Variants in CDH2 observed in about 807,000 individuals in gnomAD.
CDH2 encodes the protein cadherin-2.
In CDH2, 17 loss-of-function variants were observed where a neutral mutation model predicts 92.0. The observed-to-expected ratio is 0.18, with a 90% CI of 0.13 to 0.28. The LOEUF (loss-of-function observed/expected upper bound fraction) is 0.28. CDH2 is among the 10% of genes least tolerant of loss of function. The pLI is 1.00. For synonymous variants in CDH2, 419 were observed against 415.9 expected, an observed-to-expected ratio of 1.01 and a Z score of -0.09; for missense variants, 862 against 1,133.1, an observed-to-expected ratio of 0.76 and a Z score of 3.44.
chr18:28,065,348 T>C (rs750740126), intron 2 of CDH2, among the ~76,000 whole-genome samples: 9 of 152,108 alleles, frequency 5.9e-5, no homozygotes, highest in Non-Finnish European at 1.2e-4. Flanking sequence ...ATACAAGTGG[T>C]AGGGTGATGG....
chr18:27,985,063 CA>C lies in CDH2; in HGVS notation c.2145del (p.Ile715MetfsTer26). The C allele has an allele frequency of 6.2e-7, 1 of 1,614,198 alleles. No individual in the cohort carries two copies. The highest frequency in any genetic ancestry group is 1.1e-5 in the South Asian group (1 of 91,084). ...GCACCGGTGCCAAGCCCCGCACCCA[CA>C]ATCCTGTCCACATCTGTGCAGTCCC... ...SNGDCTDVDRIVGAGLGTGAI... is the reference protein window; with the variant it reads ...SNGDCTDVDRXVGAGLGTGAI... On this transcript the variant is annotated frameshift_variant, in exon 13 of 16. Coordinates refer to ENST00000269141, the MANE Select transcript of CDH2 (RefSeq NM_001792.5). LOFTEE classifies it high-confidence loss of function.
chr18:28,128,858 G>A (rs1025037524), intron 2 of CDH2, among the ~76,000 whole-genome samples: 3 of 152,120 alleles, frequency 2.0e-5, no homozygotes, highest in East Asian at 1.9e-4. Flanking sequence ...GGATGCACTC[G>A]GCCACACAGG....
At chr18:28,044,293 A>C (rs888574662) in intron 2 of CDH2, among the ~76,000 whole-genome samples, 1 of 152,176 alleles carries the variant, frequency 6.6e-6, no homozygotes, top group African/African-American at 2.4e-5. Context: ...TGTACCCTGG[A>C]GGTGGAATTC....
intron 1 of CDH2, among the ~76,000 whole-genome samples, chr18:28,170,327 G>A (rs760061942): frequency 1.3e-5 from 2 of 152,066 alleles, no homozygotes; most frequent in Non-Finnish European, 2.9e-5. Context: ...CATTTATTTT[G>A]GTTGTCCTTC....
chr18:28,089,841 A>G (rs897571790), intron 2 of CDH2, among the ~76,000 whole-genome samples: 3 of 152,214 alleles, frequency 2.0e-5, no homozygotes, highest in Non-Finnish European at 4.4e-5. Context: ...GAACAGTGCC[A>G]GGAATACAGA....
Position 28,177,127 on chromosome 18 carries a change from C to T in CDH2, c.-105G>A, listed in dbSNP as rs371515871. ...CAGCACCAACAGCGGCGCGGAGAAA[C>T]GGCTCCAGGCAGTTTCCACCCCCTT... On this transcript the variant is annotated 5_prime_UTR_variant, in exon 1 of 16. Coordinates refer to ENST00000269141, the MANE Select transcript of CDH2 (RefSeq NM_001792.5). 6.5e-6 allele frequency: 5 copies of T among 767,858 alleles called. No individual in the cohort carries two copies. Among genetic ancestry groups the T allele is most frequent in the Admixed American group, 2.6e-5 (1 of 38,096 alleles). The allele number at this position is 767,858 out of a possible 1,614,324, so 47.6% of individuals were successfully genotyped here. A position where few individuals can be genotyped will look rare whatever the true frequency, so the allele number is the denominator to read the frequency against.
intron 2 of CDH2, among the ~76,000 whole-genome samples, chr18:28,100,932 T>C (rs2015216368): frequency 6.6e-6 from 1 of 152,086 alleles, no homozygotes; most frequent in Admixed American, 6.6e-5. Flanking sequence ...GCTAATACCA[T>C]AAAAAAGAGT....
chr18:28,023,360 G>T (rs562860740), intron 2 of CDH2, among the ~76,000 whole-genome samples: 2 of 152,160 alleles, frequency 1.3e-5, no homozygotes, highest in East Asian at 3.9e-4. Context: ...GTCTTGCTTT[G>T]TCACCCAGGC....
chr18:27,990,809 A>C (rs1177595089), intron 9 of CDH2, among the ~76,000 whole-genome samples: 1 of 152,188 alleles, frequency 6.6e-6, no homozygotes, highest in Non-Finnish European at 1.5e-5. Context: ...AAATCAGAAA[A>C]TGTAATTTTT....
chr18:28,151,656 A>G (rs1289404363), intron 1 of CDH2, among the ~76,000 whole-genome samples: 3 of 152,184 alleles, frequency 2.0e-5, no homozygotes, highest in Non-Finnish European at 4.4e-5. Flanking sequence ...ACATAAAGTC[A>G]TCACTCTGCC....
chr18:28,037,503 A>T (rs562735629), intron 2 of CDH2, among the ~76,000 whole-genome samples: 1 of 152,294 alleles, frequency 6.6e-6, no homozygotes, highest in South Asian at 2.1e-4. Flanking sequence ...CAGCGAGAAA[A>T]CTTACAGAAA....
intron 2 of CDH2, among the ~76,000 whole-genome samples, chr18:28,127,659 T>C (rs559103272): frequency 2.5e-4 from 38 of 152,244 alleles, no homozygotes; most frequent in African/African-American, 8.7e-4. Flanking sequence ...CAAATACTTA[T>C]GAATACAACT....
intron 2 of CDH2, among the ~76,000 whole-genome samples, chr18:28,041,678 G>A (rs1440234912): frequency 6.6e-6 from 1 of 152,184 alleles, no homozygotes; most frequent in Non-Finnish European, 1.5e-5. Context: ...TTAAGAAGCA[G>A]TGCAGGCAGT....
intron 2 of CDH2, among the ~76,000 whole-genome samples, chr18:28,056,338 A>G (rs903501970): frequency 1.3e-5 from 2 of 152,180 alleles, no homozygotes; most frequent in African/African-American, 4.8e-5. Context: ...CCTTTCTGTC[A>G]AAACAAATAG....
chr18:28,004,635 A>C (rs2012863299), intron 6 of CDH2, among the ~76,000 whole-genome samples: 1 of 152,214 alleles, frequency 6.6e-6, no homozygotes, highest in Admixed American at 6.5e-5. Context: ...TAATATAAAA[A>C]AATTTCCACA....
intron 14 of CDH2, among the ~76,000 whole-genome samples, chr18:27,975,289 T>G (rs1238186142): frequency 6.6e-6 from 1 of 152,172 alleles, no homozygotes; most frequent in Non-Finnish European, 1.5e-5. Flanking sequence ...GTGGAATCTT[T>G]CCACAGCCAC....
chr18:27,966,365 TATAAG>T (rs1331889399), intron 14 of CDH2, among the ~76,000 whole-genome samples: 1 of 152,158 alleles, frequency 6.6e-6, no homozygotes, highest in Non-Finnish European at 1.5e-5. Flanking sequence ...GGGTGACAAA[TATAAG>T]AATATAGAGG....
intron 2 of CDH2, among the ~76,000 whole-genome samples, chr18:28,037,107 T>C (rs369573001): frequency 6.6e-6 from 1 of 151,656 alleles, no homozygotes; most frequent in East Asian, 1.9e-4. Flanking sequence ...TTGTAAGGAG[T>C]TGGTTTCATA....
rs1347469651 is a variant in CDH2, at chr18:27,943,920, G to A, written c.1152-10796C>T. On this transcript the variant is annotated intron_variant, in intron 6 of 6. Transcript: ENST00000675173. ...AGTGGTATGAAACTAGGTATTCCAG[G>A]TGAAAAAACTGTGGGACAAAAGGAA... 1.1e-4 allele frequency among the ~76,000 whole-genome samples: 16 copies of A among 152,118 alleles called. No homozygotes were observed. In the East Asian group the frequency reaches 1.3e-3, roughly 13 times the overall value.
Sources: gnomAD v4.1 joint callset for allele counts (sites outside exome capture counted in the v4.1 genomes callset) on GRCh38, gnomAD v4.1.1 for gene constraint, MANE v1.5 for transcripts, NCBI Gene and HGNC (gene_info 2026-07-23, HGNC 2026-07-21) for gene names.